The following ALG14 variants were observed in gnomAD, a reference collection of about 807,000 sequenced individuals.
The protein encoded by ALG14 is UDP-N-acetylglucosamine transferase subunit ALG14.
ALG14 carries 17 observed loss-of-function variants against 22.8 expected under a neutral mutation model. The ratio of observed to expected loss-of-function variants is 0.75; its 90% CI spans 0.51 to 1.12. The LOEUF is 1.12. Among genes scored for constraint, ALG14 ranks in the 50% most tolerant of loss-of-function variants. The pLI, the probability that ALG14 is intolerant of heterozygous loss-of-function variation, is 0.00. For synonymous variants in ALG14, 89 were observed against 103.7 expected (o/e 0.86, Z 0.86); for missense variants, 288 against 271.8 (o/e 1.06, Z -0.42).
intron 3 of ALG14, among the ~76,000 whole-genome samples, chr1:95,018,922 T>C (rs187157662): frequency 6.6e-6 from 1 of 152,362 alleles, no homozygotes; most frequent in Admixed American, 6.5e-5. Context: ...TGTAAGTAAA[T>C]CTTGTGAAAA....
intron 3 of ALG14, among the ~76,000 whole-genome samples, chr1:94,999,092 G>A (rs1254694641): frequency 1.3e-5 from 2 of 151,990 alleles, no homozygotes; most frequent in Admixed American, 6.6e-5. Context: ...TTTGAAACAT[G>A]TCATTAGTTA....
At chr1:95,052,230 C>A (rs1674773079) in intron 2 of ALG14, among the ~76,000 whole-genome samples, 1 of 152,074 alleles carries the variant, frequency 6.6e-6, no homozygotes, top group South Asian at 2.1e-4. Flanking sequence ...CTGAAAGAAA[C>A]ACACTGAATC....
chr1:95,037,107 T>C (rs190852510), intron 2 of ALG14, among the ~76,000 whole-genome samples: 35 of 152,276 alleles, frequency 2.3e-4, no homozygotes, highest in African/African-American at 7.2e-4. Flanking sequence ...GCTCAAAAGA[T>C]TTTTAAAGCC....
chr1:95,068,881 T>C (rs1675467619), intron 1 of ALG14, among the ~76,000 whole-genome samples: 3 of 152,156 alleles, frequency 2.0e-5, no homozygotes, highest in Admixed American at 2.0e-4. Flanking sequence ...CATCCATTTG[T>C]TCAAGTCAGA....
At chr1:95,070,151 G>A (rs1179735219) in intron 1 of ALG14, among the ~76,000 whole-genome samples, 2 of 152,186 alleles carry the variant, frequency 1.3e-5, no homozygotes, top group East Asian at 3.9e-4. Flanking sequence ...GGAAAGGAAT[G>A]CATGCTCAGA....
At chr1:94,984,473 G>A (rs1373517861) in intron 3 of ALG14, among the ~76,000 whole-genome samples, 2 of 152,236 alleles carry the variant, frequency 1.3e-5, no homozygotes, top group Admixed American at 6.5e-5. Flanking sequence ...TCCACCAGGA[G>A]GTGTGACCAC....
chr1:95,055,836 A>C, intron 2 of ALG14, among the ~76,000 whole-genome samples: 1 of 131,710 alleles, frequency 7.6e-6, no homozygotes, highest in Non-Finnish European at 1.6e-5. Flanking sequence ...ACTAAAAAAA[A>C]AAAAAAAAAA....
chr1:95,031,949 C>T (rs1674020951), intron 2 of ALG14, among the ~76,000 whole-genome samples: 1 of 152,154 alleles, frequency 6.6e-6, no homozygotes, highest in African/African-American at 2.4e-5. Context: ...GCTGGGACTA[C>T]AGGCACGCAC....
In ALG14 at chr1:95,032,039, C is replaced by T. The variant is rs182157379; in HGVS notation, c.289-4779G>A. 7.2e-3 allele frequency among the ~76,000 whole-genome samples: 1,090 copies of T among 152,224 alleles called. 6 individuals are homozygous for T. Among genetic ancestry groups the T allele is most frequent in the Middle Eastern group, 0.014 (4 of 294 alleles). On this transcript the variant is annotated intron_variant, in intron 2 of 3. Coordinates refer to ENST00000370205, the MANE Select transcript of ALG14 (RefSeq NM_144988.4). ...GGTCAGGCTGGTCTCCAACTCCGGA[C>T]CTCAGGTGATCTGCCCACCTCGGCC...
intron 3 of ALG14, chr1:95,022,439 C>CGAGA: frequency 3.6e-6 from 3 of 832,764 alleles, no homozygotes; most frequent in Non-Finnish European, 4.3e-6. Flanking sequence ...CCACTTCTCG[C>CGAGA]AGTGGACTCT....
chr1:95,033,402 C>T (rs917565057), intron 2 of ALG14, among the ~76,000 whole-genome samples: 18 of 138,708 alleles, frequency 1.3e-4, no homozygotes, highest in Admixed American at 3.7e-4. Context: ...TACATACATA[C>T]ATATATATAT....
At chr1:95,054,157 T>C (rs1388371638) in intron 2 of ALG14, among the ~76,000 whole-genome samples, 2 of 152,212 alleles carry the variant, frequency 1.3e-5, no homozygotes, top group Admixed American at 6.5e-5. Context: ...GAGAATATTA[T>C]TGATAGGGTT....
At chr1:95,033,418 TATACAC>T (rs771201981) in intron 2 of ALG14, among the ~76,000 whole-genome samples, 108 of 130,352 alleles carry the variant, frequency 8.3e-4, no homozygotes, top group East Asian at 3.4e-3. Context: ...TATATATATA[TATACAC>T]ACACACACAC....
chr1:95,065,299 C>A (rs993571156), intron 1 of ALG14, among the ~76,000 whole-genome samples: 3 of 152,066 alleles, frequency 2.0e-5, no homozygotes, highest in African/African-American at 7.2e-5. Flanking sequence ...CTCTTGCTAT[C>A]AAGAAGACTG....
At chr1:95,057,169 C>T (rs574620599) in intron 2 of ALG14, among the ~76,000 whole-genome samples, 56 of 149,934 alleles carry the variant, frequency 3.7e-4, no homozygotes, top group African/African-American at 1.2e-3. Context: ...TATATACATA[C>T]ACATACACAC....
intron 1 of ALG14, chr1:95,067,238 T>C (rs557995035): frequency 6.6e-6 from 1 of 152,274 alleles, no homozygotes; most frequent in African/African-American, 2.4e-5. Context: ...AAAAAACTTC[T>C]GCAAGGACAT....
chr1:95,008,303 G>A (rs1673271639), intron 3 of ALG14, among the ~76,000 whole-genome samples: 1 of 152,106 alleles, frequency 6.6e-6, no homozygotes, highest in Non-Finnish European at 1.5e-5. Context: ...ACATGCTGCA[G>A]GTAGATTTAT....
At chr1:95,002,734 C>T (rs1287215037) in intron 3 of ALG14, among the ~76,000 whole-genome samples, 1 of 152,214 alleles carries the variant, frequency 6.6e-6, no homozygotes, top group Non-Finnish European at 1.5e-5. Flanking sequence ...ATCTACTGCT[C>T]CTTCCCCACT....
At chr1:94,985,481 G>C (rs1033910284) in intron 3 of ALG14, among the ~76,000 whole-genome samples, 2 of 151,968 alleles carry the variant, frequency 1.3e-5, no homozygotes, top group East Asian at 1.9e-4. Flanking sequence ...CCTAATCCTT[G>C]GATTATTTGT....
Sources: allele counts gnomAD v4.1 joint callset (sites outside exome capture counted in the v4.1 genomes callset), GRCh38; gene constraint gnomAD v4.1.1; transcripts MANE v1.5; gene names NCBI Gene and HGNC (gene_info 2026-07-23, HGNC 2026-07-21).